CCDC73: variants seen among roughly 807,000 people sequenced by gnomAD.
CCDC73 encodes the protein coiled-coil domain-containing protein 73.
A neutral mutation model predicts 116.5 loss-of-function variants in CCDC73; 95 were observed. The ratio of observed to expected loss-of-function variants is 0.82; its 90% CI spans 0.69 to 0.97. CCDC73 has a LOEUF of 0.97. Ranked by LOEUF, CCDC73 falls within the 50% of genes least tolerant of loss-of-function variation. The pLI is 0.00. For synonymous variants in CCDC73, 398 were observed against 401.3 expected (o/e 0.99, Z 0.10); for missense variants, 1,066 against 1,206.8 (o/e 0.88, Z 1.73).
At chr11:32,641,715 G>GTATATATATATATA (rs56262743) in intron 13 of CCDC73, among the ~76,000 whole-genome samples, 11 of 148,858 alleles carry the variant, frequency 7.4e-5, no homozygotes, top group African/African-American at 2.5e-4. Context: ...ATATGTGTGT[G>GTATATATATATATA]TATATATATA....
chr11:32,759,688 TAC>T (rs1253095255), intron 2 of CCDC73, among the ~76,000 whole-genome samples: 1 of 152,230 alleles, frequency 6.6e-6, no homozygotes, highest in Non-Finnish European at 1.5e-5. Context: ...ATTTACTACA[TAC>T]ATTTATTTTG....
At chr11:32,731,215 G>A (rs948554278) in intron 2 of CCDC73, among the ~76,000 whole-genome samples, 3 of 152,184 alleles carry the variant, frequency 2.0e-5, no homozygotes, top group Admixed American at 1.3e-4. Flanking sequence ...AGGTGGCAGC[G>A]AGGCTGGGGG....
At chr11:32,774,982 G>A (rs1359678836) in intron 1 of CCDC73, among the ~76,000 whole-genome samples, 2 of 152,156 alleles carry the variant, frequency 1.3e-5, no homozygotes, top group Non-Finnish European at 2.9e-5. Flanking sequence ...TTTGGAAAAA[G>A]TGGTATCTAT....
chr11:32,662,451 T>C (rs1263385445), intron 9 of CCDC73, among the ~76,000 whole-genome samples: 1 of 152,248 alleles, frequency 6.6e-6, no homozygotes, highest in Non-Finnish European at 1.5e-5. Context: ...ATGAGCATTT[T>C]TTCATGTGTC....
the CCDC73 span, among the ~76,000 whole-genome samples, chr11:32,823,955 C>T: frequency 3.3e-5 from 5 of 152,054 alleles, no homozygotes; most frequent in African/African-American, 9.7e-5. Context: ...AGTGCAGTGG[C>T]GCAATCTTGG....
intron 12 of CCDC73, among the ~76,000 whole-genome samples, chr11:32,643,630 T>TA (rs546409239): frequency 9.2e-5 from 14 of 152,050 alleles, no homozygotes; most frequent in Non-Finnish European, 1.8e-4. Flanking sequence ...AAAGGTACAG[T>TA]AAAAATGAAA....
At chr11:32,624,140 T>C (rs1182640767) in intron 14 of CCDC73, among the ~76,000 whole-genome samples, 1 of 151,154 alleles carries the variant, frequency 6.6e-6, no homozygotes, top group Non-Finnish European at 1.5e-5. Flanking sequence ...GAGACCATCC[T>C]GTCTAATAAG....
intron 1 of CCDC73, among the ~76,000 whole-genome samples, chr11:32,792,496 A>G (rs1850685146): frequency 6.6e-6 from 1 of 152,208 alleles, no homozygotes; most frequent in African/African-American, 2.4e-5. Context: ...CCTTAAATGA[A>G]TTCCAAGAGT....
chr11:32,795,626 T>C (rs1040457409), upstream of CCDC73, among the ~76,000 whole-genome samples: 1 of 152,126 alleles, frequency 6.6e-6, no homozygotes, highest in Non-Finnish European at 1.5e-5. Flanking sequence ...GAATGTAATA[T>C]GTTTCAGGCC....
chr11:32,689,165 C>G (rs1194277731), intron 6 of CCDC73, among the ~76,000 whole-genome samples: 1 of 152,030 alleles, frequency 6.6e-6, no homozygotes, highest in Non-Finnish European at 1.5e-5. Context: ...CCATGAGAAA[C>G]AGAAAAACCT....
intron 6 of CCDC73, among the ~76,000 whole-genome samples, chr11:32,692,049 CAA>C (rs1173539877): frequency 5.3e-4 from 32 of 60,742 alleles, no homozygotes; most frequent in East Asian, 2.5e-3. Context: ...CTCCGTCTCA[CAA>C]AAAAAAAAAA....
At position 32,711,757 on chromosome 11, in the gene CCDC73, T is replaced by C. The variant is rs187113492; in HGVS notation, c.207+6319A>G. Among the ~76,000 whole-genome samples, 74 of 152,258 alleles carry C rather than the reference T, an allele frequency of 4.9e-4. 1 individual carries two copies. The highest frequency in any genetic ancestry group is 9.1e-4 in the Non-Finnish European group (62 of 68,004). ...ACACTACCTGCTCCCTAAAAACCTA[T>C]TGAAAAAAACAAAAACAAAAACTTT... On this transcript the variant is annotated intron_variant, in intron 3 of 17. Coordinates refer to ENST00000335185, the MANE Select transcript of CCDC73 (RefSeq NM_001008391.4).
Position 32,613,950 on chromosome 11 carries a change from T to C in CCDC73, c.2368A>G (p.Lys790Glu). The C allele has an allele frequency of 6.2e-7, 1 of 1,611,464 alleles. No individual in the cohort carries two copies. The highest frequency in any genetic ancestry group is 1.1e-5 in the South Asian group (1 of 91,074). Residue 790 changes from lysine to glutamate, a missense_variant, in exon 16 of 18, where the codon AAA becomes GAA. Lys to Glu is a moderately conservative substitution (Grantham distance 56). Transcript: ENST00000335185. ...ATGTGAACAGCAGTTTTCACATCTT[T>C]GGCTTGTGAAGCATGACTATTCTCA... Reference protein sequence around the residue: ...NNENSHASQAKDVKTAVHMKT... With the variant: ...NNENSHASQAEDVKTAVHMKT...
chr11:32,803,235 T>A, the CCDC73 span, among the ~76,000 whole-genome samples: 24 of 152,044 alleles, frequency 1.6e-4, no homozygotes, highest in African/African-American at 5.6e-4. Flanking sequence ...GGATTACAGA[T>A]GTGCGCCACC....
intron 6 of CCDC73, among the ~76,000 whole-genome samples, chr11:32,695,127 G>C (rs1352147795): frequency 6.6e-6 from 1 of 152,114 alleles, no homozygotes; most frequent in Non-Finnish European, 1.5e-5. Flanking sequence ...CCAGCACTTT[G>C]GGAAGCCAAG....
chr11:32,660,201 C>T (rs1177775813), intron 9 of CCDC73, among the ~76,000 whole-genome samples: 3 of 144,346 alleles, frequency 2.1e-5, no homozygotes, highest in African/African-American at 5.3e-5. Context: ...ATTAATTCAC[C>T]CAGTCTCTTT....
At chr11:32,782,244 T>C (rs1307768920) in intron 1 of CCDC73, among the ~76,000 whole-genome samples, 2 of 152,122 alleles carry the variant, frequency 1.3e-5, no homozygotes, top group African/African-American at 4.8e-5. Context: ...GTAAAAATAA[T>C]AGAAATAAAG....
chr11:32,815,911 ACTT>A, the CCDC73 span, among the ~76,000 whole-genome samples: 2 of 152,064 alleles, frequency 1.3e-5, no homozygotes, highest in Non-Finnish European at 2.9e-5. Flanking sequence ...CTGCATGGAA[ACTT>A]CTTCTGGAGT....
chr11:32,614,950 G>T lies in CCDC73; in HGVS notation c.1376-8C>A. On this transcript the variant is annotated splice_region_variant and splice_polypyrimidine_tract_variant and intron_variant, in intron 15 of 17. Coordinates refer to ENST00000335185, the MANE Select transcript of CCDC73 (RefSeq NM_001008391.4). ...TTTCAAAAAGCTGTAAATCTGTCAT[G>T]ATGGGAACACAGTAAAATTTTATAT... is the stretch of plus-strand genomic sequence containing the variant. 1 of 1,562,438 alleles carries T rather than the reference G, an allele frequency of 6.4e-7. No individual in the cohort carries two copies. Among genetic ancestry groups the T allele is most frequent in the African/African-American group, 1.4e-5 (1 of 73,132 alleles).
Sources: allele counts gnomAD v4.1 joint callset (sites outside exome capture counted in the v4.1 genomes callset), GRCh38; gene constraint gnomAD v4.1.1; transcripts MANE v1.5; gene names NCBI Gene and HGNC (gene_info 2026-07-23, HGNC 2026-07-21).